Variants in GALNT2 observed in about 807,000 individuals in gnomAD.
GALNT2 encodes the protein UDP-GalNAc:polypeptide N-acetylgalactosaminyltransferase 2.
A neutral mutation model predicts 81.4 loss-of-function variants in GALNT2; 31 were observed. That is an observed-to-expected ratio of 0.38 (90% CI 0.29 to 0.51). The LOEUF (loss-of-function observed/expected upper bound fraction) is 0.51, where lower values mean the gene tolerates loss of function less well. Ranked by LOEUF, GALNT2 falls within the 20% of genes least tolerant of loss-of-function variation. The probability of loss-of-function intolerance (pLI) is 0.87; values close to 1 mark genes in which losing one functional copy is unlikely to be tolerated. For synonymous variants in GALNT2, 303 were observed against 287.4 expected, an observed-to-expected ratio of 1.05 and a Z score of -0.55; for missense variants, 629 against 765.7, an observed-to-expected ratio of 0.82 and a Z score of 2.11.
chr1:230,061,553 A>C (rs1659047852), intron 1 of GALNT2, among the ~76,000 whole-genome samples: 1 of 152,192 alleles, frequency 6.6e-6, no homozygotes, highest in Non-Finnish European at 1.5e-5. Flanking sequence ...AATTGGATTC[A>C]GATATTTCTG....
At chr1:230,090,525 G>C (rs1387995966) in intron 1 of GALNT2, among the ~76,000 whole-genome samples, 2 of 152,056 alleles carry the variant, frequency 1.3e-5, no homozygotes, top group African/African-American at 4.8e-5. Flanking sequence ...TGTGTGTGGA[G>C]GTGAAGAATG....
chr1:230,066,394 T>C (rs566549435), upstream of GALNT2, among the ~76,000 whole-genome samples: 7 of 152,322 alleles, frequency 4.6e-5, no homozygotes, highest in Non-Finnish European at 2.9e-5. Flanking sequence ...TTTTAAACAA[T>C]ATATTATTGC....
chr1:230,085,239 C>T (rs1298386483), intron 1 of GALNT2, among the ~76,000 whole-genome samples: 6 of 152,180 alleles, frequency 3.9e-5, no homozygotes, highest in Non-Finnish European at 1.5e-5. Context: ...GGGGCAGACA[C>T]ACCTGAATGT....
chr1:230,146,292 G>A (rs943687456), intron 1 of GALNT2, among the ~76,000 whole-genome samples: 1 of 152,174 alleles, frequency 6.6e-6, no homozygotes, highest in African/African-American at 2.4e-5. Context: ...CTTCTCTCCC[G>A]CACCAGGTCT....
intron 1 of GALNT2, among the ~76,000 whole-genome samples, chr1:230,161,147 G>C (rs542636135): frequency 2.0e-5 from 3 of 152,306 alleles, no homozygotes; most frequent in African/African-American, 7.2e-5. Context: ...CTGTCTGGGC[G>C]GTCCTTTTGC....
At chr1:230,242,596 G>A (rs187758837) in intron 6 of GALNT2, among the ~76,000 whole-genome samples, 18 of 151,984 alleles carry the variant, frequency 1.2e-4, no homozygotes, top group African/African-American at 3.4e-4. Context: ...GTGCAGTGGC[G>A]CAATCATGGC....
intron 2 of GALNT2, among the ~76,000 whole-genome samples, chr1:230,190,376 A>G (rs1663482326): frequency 6.6e-6 from 1 of 152,218 alleles, no homozygotes; most frequent in Non-Finnish European, 1.5e-5. Flanking sequence ...ACGCACTTGA[A>G]GCCTCAGGCC....
In GALNT2 at chr1:230,273,206, A is replaced by T. The variant is rs149553699; in HGVS notation, c.1441-1239A>T. Among the ~76,000 whole-genome samples the T allele has an allele frequency of 2.2e-4, 33 of 152,346 alleles. 1 individual carries two copies. In the East Asian group the frequency reaches 6.2e-3, roughly 29 times the overall value. On this transcript the variant is annotated intron_variant, in intron 14 of 15. Transcript: ENST00000366672. ...CTCTGTTTCCAAGAACCAAGAAAAA[A>T]ACAGTGTCTTCATAGCACATAATAG... is the stretch of plus-strand genomic sequence containing the variant.
Position 230,193,002 on chromosome 1 carries a change from T to C in GALNT2, c.221-10135T>C, listed in dbSNP as rs1440261100. Among the ~76,000 whole-genome samples the C allele has an allele frequency of 6.6e-5, 10 of 152,238 alleles. No individual in the cohort carries two copies. The highest frequency in any genetic ancestry group is 1.3e-4 in the Non-Finnish European group (9 of 68,040). On this transcript the variant is annotated intron_variant, in intron 2 of 15. Transcript: ENST00000366672. This position sits in a 1 kb window ranked among gnomAD's most constrained non-coding sequence, Gnocchi z 4.3. Reference sequence around the variant, plus strand: ...TTCATGGTGTAGCATTATGACCTTCTAGAGGAAGAATATTAGGATTTTTTT... The same window carrying C: ...TTCATGGTGTAGCATTATGACCTTCCAGAGGAAGAATATTAGGATTTTTTT...
intron 2 of GALNT2, among the ~76,000 whole-genome samples, chr1:230,194,180 A>G (rs1258838236): frequency 6.6e-6 from 1 of 152,188 alleles, no homozygotes; most frequent in East Asian, 1.9e-4. Context: ...GGGTGTGATG[A>G]AGAGTATCAG....
At chr1:230,263,926 T>A (rs1032165297) in intron 13 of GALNT2, 1 of 152,268 alleles carries the variant, frequency 6.6e-6, no homozygotes, top group African/African-American at 2.4e-5. Context: ...TTGCTCCTGT[T>A]CGCTCACTTG....
chr1:230,271,220 C>T lies in GALNT2; in HGVS notation c.1441-3225C>T, dbSNP rs77222687. On this transcript the variant is annotated intron_variant, in intron 14 of 15. Transcript: ENST00000366672. The surrounding 1 kb of genome is among the most constrained non-coding windows in gnomAD (Gnocchi z 4.2). ...CAGGGACGGAACAATGTGCTTCTTC[C>T]TGGCCCTCTCCATCCTGAACGCCAT... Among the ~76,000 whole-genome samples, 2,649 of 152,340 alleles carry T rather than the reference C, an allele frequency of 0.017. 84 individuals are homozygous for T. The highest frequency in any genetic ancestry group is 0.061 in the African/African-American group (2,518 of 41,564).
chr1:230,110,018 G>A (rs942638454), intron 1 of GALNT2, among the ~76,000 whole-genome samples: 2 of 152,202 alleles, frequency 1.3e-5, no homozygotes, highest in Non-Finnish European at 2.9e-5. Flanking sequence ...GTGTACACCC[G>A]TCTGGGGTAG....
intron 1 of GALNT2, among the ~76,000 whole-genome samples, chr1:230,088,038 C>A (rs1332808564): frequency 6.6e-6 from 1 of 152,148 alleles, no homozygotes; most frequent in Non-Finnish European, 1.5e-5. Context: ...AGTAGTTGAG[C>A]AATCCTGGAT....
intron 1 of GALNT2, among the ~76,000 whole-genome samples, chr1:230,069,070 A>C (rs1237064280): frequency 6.6e-6 from 1 of 152,156 alleles, no homozygotes; most frequent in Non-Finnish European, 1.5e-5. Flanking sequence ...CCAAACACAT[A>C]AGCCACCCTT....
At position 230,260,185 on chromosome 1, in the gene GALNT2, T is replaced by C. The variant is rs114177106; in HGVS notation, c.1137-2388T>C. Among the ~76,000 whole-genome samples, 805 of 152,358 alleles carry C rather than the reference T, an allele frequency of 5.3e-3. 6 individuals are homozygous for C. Among genetic ancestry groups the C allele is most frequent in the African/African-American group, 0.019 (770 of 41,572 alleles). ...CCAACTTGTAATAGATGACATTTAA[T>C]ATTTATTTAATACTTATTTAATACT... On this transcript the variant is annotated intron_variant, in intron 11 of 15. Coordinates refer to ENST00000366672, the MANE Select transcript of GALNT2 (RefSeq NM_004481.5).
intron 1 of GALNT2, among the ~76,000 whole-genome samples, chr1:230,146,184 A>T (rs749761588): frequency 3.3e-5 from 5 of 152,222 alleles, no homozygotes; most frequent in Non-Finnish European, 7.3e-5. Flanking sequence ...GGATGTGAGA[A>T]ATTGATAAGC....
At chr1:230,187,733 C>T (rs1663380737) in intron 2 of GALNT2, among the ~76,000 whole-genome samples, 2 of 152,216 alleles carry the variant, frequency 1.3e-5, no homozygotes, top group South Asian at 2.1e-4. Flanking sequence ...CTGGAAGTGG[C>T]TCTCAGTGGG....
intron 3 of GALNT2, among the ~76,000 whole-genome samples, chr1:230,211,240 G>A (rs912342425): frequency 6.7e-6 from 1 of 149,892 alleles, no homozygotes; most frequent in African/African-American, 2.5e-5. Context: ...TCAATTTGCT[G>A]CCCAACTCCA....
Sources: allele counts gnomAD v4.1 joint callset (sites outside exome capture counted in the v4.1 genomes callset), GRCh38; gene constraint gnomAD v4.1.1; non-coding constraint Gnocchi (gnomAD v3.1); transcripts MANE v1.5; gene names NCBI Gene and HGNC (gene_info 2026-07-23, HGNC 2026-07-21).